SNX31: variants seen among roughly 807,000 people sequenced by gnomAD.
SNX31 encodes sorting nexin-31.
SNX31 carries 58 observed loss-of-function variants against 65.4 expected under a neutral mutation model. The observed-to-expected ratio is 0.89, with a 90% CI of 0.72 to 1.10. The LOEUF (loss-of-function observed/expected upper bound fraction) is 1.10. Among genes scored for constraint, SNX31 ranks in the 50% least tolerant of loss-of-function variants. The pLI is 0.00. For synonymous variants in SNX31, 181 were observed against 190.1 expected (o/e 0.95, Z 0.39); for missense variants, 523 against 529.7 (o/e 0.99, Z 0.12).
Position 100,629,225 on chromosome 8 carries a change from C to T in SNX31, c.321+1102G>A, listed in dbSNP as rs1818261971. ...CTTATATATGTGCAGAAATGTGTAG[C>T]AAAAGAGCACTATAAACTATTAGAC... is the stretch of plus-strand genomic sequence containing the variant. On this transcript the variant is annotated intron_variant, in intron 4 of 13. Transcript: ENST00000311812. The surrounding 1 kb of genome is among the most constrained non-coding windows in gnomAD (Gnocchi z 5.1). Among the ~76,000 whole-genome samples the T allele has an allele frequency of 6.6e-6, 1 of 152,040 alleles. No homozygotes were observed. Among genetic ancestry groups the T allele is most frequent in the Non-Finnish European group, 1.5e-5 (1 of 68,022 alleles).
chr8:100,589,000 T>C lies in SNX31; in HGVS notation c.979-21A>G. On this transcript the variant is annotated intron_variant, in intron 10 of 13. Transcript: ENST00000311812. The surrounding 1 kb of genome is among the most constrained non-coding windows in gnomAD (Gnocchi z 4.8). ...GTTCCCTACAAAGGAAAATATTTTA[T>C]ATTCAATGTAAATTTAAATGCCTAT... 1.9e-6 allele frequency: 3 copies of C among 1,579,930 alleles called. No homozygotes were observed. The highest frequency in any genetic ancestry group is 1.1e-5 in the South Asian group (1 of 89,878).
chr8:100,628,498 A>G (rs201687971), intron 4 of SNX31, among the ~76,000 whole-genome samples: 1 of 151,880 alleles, frequency 6.6e-6, no homozygotes, highest in East Asian at 1.9e-4. Flanking sequence ...GGACAAAAAA[A>G]CAAACACCGC....
chr8:100,591,120 C>T (rs1435658776), intron 10 of SNX31, among the ~76,000 whole-genome samples: 2 of 152,060 alleles, frequency 1.3e-5, no homozygotes, highest in Non-Finnish European at 2.9e-5. Context: ...GGCTGAATAA[C>T]GATCTACGCG....
In SNX31 at chr8:100,609,349, T is replaced by C. The variant is rs1168667748; in HGVS notation, c.612-786A>G. 6.6e-6 allele frequency among the ~76,000 whole-genome samples: 1 copy of C among 152,208 alleles called. No homozygotes were observed. Among genetic ancestry groups the C allele is most frequent in the Non-Finnish European group, 1.5e-5 (1 of 68,044 alleles). On this transcript the variant is annotated intron_variant, in intron 7 of 13. Transcript: ENST00000311812. The surrounding 1 kb of genome is among the most constrained non-coding windows in gnomAD (Gnocchi z 4.9). ...TGTATTAGCCGCCTGTCCACTGTGC[T>C]TCCTCTGCACCCTGAGTTTATTCCA... is the stretch of plus-strand genomic sequence containing the variant.
rs986943851 is a variant in SNX31 at position 100,610,274 on chromosome 8, T to G, written c.612-1711A>C. On this transcript the variant is annotated intron_variant, in intron 7 of 13. Coordinates refer to ENST00000311812, the MANE Select transcript of SNX31 (RefSeq NM_152628.4). This position sits in a 1 kb window ranked among gnomAD's most constrained non-coding sequence, Gnocchi z 4.0. ...GCAATGCCTAATTTCTAATTCAAGC[T>G]TCAAGGTAAGAAACAGAATCATCAT... Among the ~76,000 whole-genome samples, 2 of 152,102 alleles carry G rather than the reference T, an allele frequency of 1.3e-5. No individual in the cohort carries two copies. The highest frequency in any genetic ancestry group is 2.9e-5 in the Non-Finnish European group (2 of 68,030).
chr8:100,617,738 C>T lies in SNX31; in HGVS notation c.322-8G>A, dbSNP rs757049086. 4.4e-5 allele frequency: 70 copies of T among 1,578,584 alleles called. No homozygotes were observed. In the Middle Eastern group the frequency reaches 1.0e-3, roughly 23 times the overall value. Reference sequence around the variant, plus strand: ...GGCGATGTCAAATGTATTCTATAAGCAAAAGAAAAGCAAAATAAATTTCCA... The same window carrying T: ...GGCGATGTCAAATGTATTCTATAAGTAAAAGAAAAGCAAAATAAATTTCCA... On this transcript the variant is annotated splice_region_variant and splice_polypyrimidine_tract_variant and intron_variant, in intron 4 of 13. Coordinates refer to ENST00000311812, the MANE Select transcript of SNX31 (RefSeq NM_152628.4).
chr8:100,584,890 T>A (rs1813896067), intron 11 of SNX31, among the ~76,000 whole-genome samples: 1 of 151,834 alleles, frequency 6.6e-6, no homozygotes, highest in African/African-American at 2.4e-5. Context: ...GCCCAGCTAA[T>A]TTTTTTGTAT....
chr8:100,661,879 C>T (rs918722771), intron 1 of SNX31, among the ~76,000 whole-genome samples: 1 of 152,118 alleles, frequency 6.6e-6, no homozygotes, highest in Non-Finnish European at 1.5e-5. Context: ...GGCTGGAGTG[C>T]AGTGGCATGA....
intron 11 of SNX31, among the ~76,000 whole-genome samples, chr8:100,587,726 T>C (rs1814178665): frequency 6.6e-6 from 1 of 152,232 alleles, no homozygotes; most frequent in Non-Finnish European, 1.5e-5. Flanking sequence ...CACAAATTTA[T>C]TTAAAATATC....
chr8:100,596,510 G>T, intron 10 of SNX31, 129 bp downstream of exon 10: 1 of 714,718 alleles, frequency 1.4e-6, no homozygotes, highest in Non-Finnish European at 2.4e-6. Flanking sequence ...GATATTTAAT[G>T]TGGCTTAGAT....
intron 12 of SNX31, among the ~76,000 whole-genome samples, chr8:100,581,310 TTTATATATCTATATCTATCTATCTATC>T (rs1586840185): frequency 1.5e-5 from 2 of 130,906 alleles, no homozygotes; most frequent in African/African-American, 7.5e-5. Flanking sequence ...AAAAAAATTT[TTTATATATCTATATCTATCTATCTATC>T]TATATATATA....
At chr8:100,635,136 C>G (rs1818670074) in intron 3 of SNX31, among the ~76,000 whole-genome samples, 1 of 151,786 alleles carries the variant, frequency 6.6e-6, no homozygotes, top group African/African-American at 2.4e-5. Context: ...ACCTGTAATT[C>G]TAACACTTTA....
chr8:100,583,723 T>A (rs1813766939), intron 12 of SNX31, among the ~76,000 whole-genome samples: 1 of 152,176 alleles, frequency 6.6e-6, no homozygotes, highest in Non-Finnish European at 1.5e-5. Context: ...TTTCTAGAGA[T>A]AAACTTATAA....
rs116194065 is a variant in SNX31 at position 100,618,782 on chromosome 8, A to G, written c.322-1052T>C. On this transcript the variant is annotated intron_variant, in intron 4 of 13. Coordinates refer to ENST00000311812, the MANE Select transcript of SNX31 (RefSeq NM_152628.4). ...AGAGCAAGGTGTGGGTGGGGTTTCC[A>G]TGCTCTGTTTGGGTGCCCCACCCTC... 8.1e-3 allele frequency: 1,404 copies of G among 174,106 alleles called. 25 individuals are homozygous for G. Among genetic ancestry groups the G allele is most frequent in the African/African-American group, 0.031 (1,323 of 42,036 alleles). 10.8% of individuals were successfully genotyped at this position (174,106 alleles called of 1,614,324 possible).
At chr8:100,602,644 A>G (rs1224902901) in intron 8 of SNX31, among the ~76,000 whole-genome samples, 2 of 152,208 alleles carry the variant, frequency 1.3e-5, no homozygotes, top group Non-Finnish European at 2.9e-5. Flanking sequence ...TAGGGCCATT[A>G]TTAAGTAAAA....
rs1166440212 is a variant in SNX31 at position 100,575,626 on chromosome 8, T to C, written c.1227+1393A>G. On this transcript the variant is annotated intron_variant, in intron 13 of 13. Coordinates refer to ENST00000311812, the MANE Select transcript of SNX31 (RefSeq NM_152628.4). This position sits in a 1 kb window ranked among gnomAD's most constrained non-coding sequence, Gnocchi z 5.1. ...TTGTCTGGTGGGCGTGTTAAAGAGA[T>C]TGCTGCGGCCTTCCCCCAGAGCTGC... 6.6e-6 allele frequency among the ~76,000 whole-genome samples: 1 copy of C among 152,192 alleles called. No homozygotes were observed. The highest frequency in any genetic ancestry group is 2.4e-5 in the African/African-American group (1 of 41,446).
intron 10 of SNX31, among the ~76,000 whole-genome samples, chr8:100,592,682 T>C (rs1169071076): frequency 1.3e-5 from 2 of 152,224 alleles, no homozygotes; most frequent in African/African-American, 2.4e-5. Context: ...CAAATGTTTA[T>C]AGCAGCATAA....
intron 8 of SNX31, among the ~76,000 whole-genome samples, chr8:100,601,785 G>T (rs183968164): frequency 1.5e-3 from 231 of 152,302 alleles, no homozygotes; most frequent in Non-Finnish European, 2.3e-3. Context: ...GGGCTCAAAG[G>T]CAGAAATCGC....
At chr8:100,590,718 G>T (rs1050901986) in intron 10 of SNX31, among the ~76,000 whole-genome samples, 23 of 152,116 alleles carry the variant, frequency 1.5e-4, no homozygotes, top group Non-Finnish European at 3.4e-4. Context: ...GGAGGTGAAG[G>T]TTGCAGTGAG....
Sources: gnomAD v4.1 joint callset for allele counts (sites outside exome capture counted in the v4.1 genomes callset) on GRCh38, gnomAD v4.1.1 for gene constraint, Gnocchi (gnomAD v3.1) non-coding constraint, MANE v1.5 for transcripts, NCBI Gene and HGNC (gene_info 2026-07-23, HGNC 2026-07-21) for gene names.